LTAP1: variants seen among roughly 807,000 people sequenced by gnomAD.
LTAP1 encodes the protein HCV NS5A-transactivated protein 4.
chr1:154,220,427 G>C, the LTAP1 span: 1 of 1,614,060 alleles, frequency 6.2e-7, no homozygotes, highest in East Asian at 2.2e-5. Context: ...ACCTCGCGCA[G>C]AATTGTTCGG....
At chr1:154,212,752 C>T in the LTAP1 span, 1 of 995,836 alleles carries the variant, frequency 1.0e-6, no homozygotes, top group South Asian at 1.6e-5. Flanking sequence ...ACCTCCACCT[C>T]CTAGGTTTGA....
chr1:154,217,114 T>C, the LTAP1 span, among the ~76,000 whole-genome samples: 2 of 151,556 alleles, frequency 1.3e-5, no homozygotes, highest in Non-Finnish European at 2.9e-5. Flanking sequence ...GCCCAGCTAA[T>C]TTTTTTGCAT....
chr1:154,209,752 A>C, the LTAP1 span, among the ~76,000 whole-genome samples: 1 of 150,890 alleles, frequency 6.6e-6, no homozygotes, highest in African/African-American at 2.4e-5. Flanking sequence ...ACGCCCGGCT[A>C]ATTTTTTTTT....
the LTAP1 span, among the ~76,000 whole-genome samples, chr1:154,219,048 T>C: frequency 6.6e-6 from 1 of 152,202 alleles, no homozygotes; most frequent in East Asian, 1.9e-4. Flanking sequence ...CCCAGTGATC[T>C]GGGGAGAGCC....
the LTAP1 span, chr1:154,220,090 G>C: frequency 1.3e-6 from 1 of 748,794 alleles, no homozygotes; most frequent in Admixed American, 2.8e-5. Flanking sequence ...GTTATGATGG[G>C]GGTGGATCTA....
chr1:154,220,452 C>T, the LTAP1 span: 4 of 1,611,620 alleles, frequency 2.5e-6, no homozygotes, highest in South Asian at 1.1e-5. Context: ...ACCCCGCTGT[C>T]CTGGCTGGTC....
the LTAP1 span, chr1:154,220,372 A>AT: frequency 6.2e-7 from 1 of 1,614,146 alleles, no homozygotes; most frequent in Non-Finnish European, 8.5e-7. Context: ...CCAGCACGAC[A>AT]TTCACCCCGG....
At chr1:154,219,997 TA>T in the LTAP1 span, 3 of 1,353,208 alleles carry the variant, frequency 2.2e-6, no homozygotes, top group Non-Finnish European at 3.1e-6. Flanking sequence ...GTTTTTTTTT[TA>T]AAAAAGCATG....
chr1:154,219,997 T>TTTA, the LTAP1 span: 7 of 1,353,204 alleles, frequency 5.2e-6, no homozygotes, highest in Non-Finnish European at 7.1e-6. Flanking sequence ...GTTTTTTTTT[T>TTTA]AAAAAAGCAT....
chr1:154,220,587 G>C, the LTAP1 span: 3 of 632,432 alleles, frequency 4.7e-6, no homozygotes, highest in East Asian at 8.2e-5. Flanking sequence ...AGCTGGGAAA[G>C]GAGAACGACG....
At chr1:154,208,023 C>T in the LTAP1 span, among the ~76,000 whole-genome samples, 1 of 151,960 alleles carries the variant, frequency 6.6e-6, no homozygotes, top group Non-Finnish European at 1.5e-5. Context: ...ATCACTTGAA[C>T]CCAGGAGGCA....
chr1:154,212,529 A>G, the LTAP1 span: 3 of 1,614,184 alleles, frequency 1.9e-6, no homozygotes, highest in Non-Finnish European at 2.5e-6. Flanking sequence ...ACACCCTTGA[A>G]AGGCGTACTA....
the LTAP1 span, chr1:154,207,294 C>T: frequency 3.0e-6 from 2 of 668,724 alleles, no homozygotes; most frequent in African/African-American, 1.8e-5. Context: ...GGGAATTACC[C>T]TTTAGACACA....
At chr1:154,218,782 C>T in the LTAP1 span, among the ~76,000 whole-genome samples, 4 of 152,176 alleles carry the variant, frequency 2.6e-5, no homozygotes, top group African/African-American at 9.6e-5. Context: ...TTGAAGCTTA[C>T]GGTCTAGCGG....
the LTAP1 span, chr1:154,213,989 T>C: frequency 1.3e-6 from 2 of 1,577,370 alleles, no homozygotes; most frequent in Non-Finnish European, 8.7e-7. Flanking sequence ...CCTAAAAATA[T>C]TCCCCAGGCT....
the LTAP1 span, chr1:154,212,444 A>T: frequency 6.2e-7 from 1 of 1,614,106 alleles, no homozygotes; most frequent in Non-Finnish European, 8.5e-7. Context: ...GCCCCGAAGA[A>T]AAAACTGGCT....
the LTAP1 span, chr1:154,220,564 G>A: frequency 8.5e-6 from 6 of 706,106 alleles, no homozygotes; most frequent in South Asian, 1.7e-5. Context: ...AAAACATGGC[G>A]GACAGGCAGG....
chr1:154,213,432 C>T, the LTAP1 span: 1 of 156,150 alleles, frequency 6.4e-6, no homozygotes, highest in Admixed American at 6.2e-5. Flanking sequence ...TTGTAAGCTA[C>T]ATCTATGACA....
chr1:154,207,202 C>T, the LTAP1 span: 3 of 389,516 alleles, frequency 7.7e-6, no homozygotes, highest in Non-Finnish European at 1.4e-5. Context: ...AGAATAACAC[C>T]TGAATGCAAA....
Sources: gnomAD v4.1 joint callset for allele counts (sites outside exome capture counted in the v4.1 genomes callset) on GRCh38, gnomAD v4.1.1 for gene constraint, MANE v1.5 for transcripts, NCBI Gene and HGNC (gene_info 2026-07-23, HGNC 2026-07-21) for gene names.